RUNDC3B: variants seen among roughly 807,000 people sequenced by gnomAD.
RUNDC3B encodes RUN domain containing 3B.
RUNDC3B carries 33 observed loss-of-function variants against 58.4 expected under a neutral mutation model. The observed-to-expected ratio is 0.56, with a 90% confidence interval of 0.43 to 0.75. RUNDC3B has a LOEUF of 0.75. Ranked by LOEUF, RUNDC3B falls within the 30% of genes least tolerant of loss-of-function variation. RUNDC3B has a pLI of 0.00. For synonymous variants in RUNDC3B, 193 were observed against 195.2 expected, an observed-to-expected ratio of 0.99 and a Z score of 0.10; for missense variants, 501 against 535.7, an observed-to-expected ratio of 0.94 and a Z score of 0.64.
chr7:87,661,184 G>T (rs1824671851), intron 2 of RUNDC3B, among the ~76,000 whole-genome samples: 1 of 151,570 alleles, frequency 6.6e-6, no homozygotes, highest in African/African-American at 2.4e-5. Flanking sequence ...TTTTTTTACA[G>T]GCACACAATG....
intron 2 of RUNDC3B, among the ~76,000 whole-genome samples, chr7:87,698,269 T>A (rs1828679315): frequency 6.6e-6 from 1 of 152,034 alleles, no homozygotes; most frequent in South Asian, 2.1e-4. Context: ...CCGGCTAATT[T>A]CTTTGCACTT....
chr7:87,671,824 T>C (rs1825850287), intron 2 of RUNDC3B, among the ~76,000 whole-genome samples: 1 of 152,122 alleles, frequency 6.6e-6, no homozygotes, highest in African/African-American at 2.4e-5. Flanking sequence ...CTGGAAAAGC[T>C]AAGTCAGGCA....
At chr7:87,774,459 T>C (rs1322065545) in intron 7 of RUNDC3B, among the ~76,000 whole-genome samples, 4 of 152,128 alleles carry the variant, frequency 2.6e-5, no homozygotes, top group African/African-American at 9.6e-5. Flanking sequence ...CAAAAATTAA[T>C]GAAATAAATT....
chr7:87,659,599 CAA>C (rs1280848935), intron 2 of RUNDC3B, among the ~76,000 whole-genome samples: 3 of 152,072 alleles, frequency 2.0e-5, no homozygotes, highest in African/African-American at 7.2e-5. Context: ...TTAGAACACT[CAA>C]GAGGAGAAGG....
chr7:87,700,624 G>A (rs1828949187), intron 3 of RUNDC3B, 70 bp downstream of exon 3: 1 of 1,398,914 alleles, frequency 7.1e-7, no homozygotes, highest in African/African-American at 1.4e-5. Flanking sequence ...GCAGGAAGGT[G>A]TGAAGCTACT....
rs1831979527 is a variant in RUNDC3B at position 87,736,870 on chromosome 7, TA to T, written c.459-2920del. Among the ~76,000 whole-genome samples, 39 of 39,008 alleles carry T rather than the reference TA, an allele frequency of 1.0e-3. No homozygotes were observed. The East Asian group carries it at 0.011, about 11-fold the overall frequency. The allele number at this position is 39,008 out of a possible 152,430, so 25.6% of individuals were successfully genotyped here. ...ATATATATACCTATATATATATATA[TA>T]TATATATATATATATATATTTTTTT... On this transcript the variant is annotated intron_variant, in intron 4 of 10. Coordinates refer to ENST00000394654, the MANE Select transcript of RUNDC3B (RefSeq NM_001134405.2).
At chr7:87,719,103 CAT>C (rs1830719535) in intron 4 of RUNDC3B, among the ~76,000 whole-genome samples, 1 of 151,940 alleles carries the variant, frequency 6.6e-6, no homozygotes, top group East Asian at 1.9e-4. Context: ...ACACAGGTAA[CAT>C]AGTTACACAG....
At chr7:87,664,551 G>T (rs1385400253) in intron 2 of RUNDC3B, among the ~76,000 whole-genome samples, 1 of 152,020 alleles carries the variant, frequency 6.6e-6, no homozygotes, top group Non-Finnish European at 1.5e-5. Flanking sequence ...TGGAAATTCT[G>T]AGTAGAGAAA....
At chr7:87,770,487 C>T (rs1028044870) in intron 6 of RUNDC3B, 94 bp from the exon 7 acceptor site, 19 of 913,902 alleles carry the variant, frequency 2.1e-5, no homozygotes, top group South Asian at 1.1e-4. Flanking sequence ...TAAATATTTT[C>T]GAATTTGTTC....
At chr7:87,738,253 GT>G (rs1832106251) in intron 4 of RUNDC3B, among the ~76,000 whole-genome samples, 1 of 152,012 alleles carries the variant, frequency 6.6e-6, no homozygotes, top group South Asian at 2.1e-4. Flanking sequence ...AGCCAACTTA[GT>G]TATTGGACCA....
chr7:87,791,745 A>G (rs1835531180), intron 8 of RUNDC3B, among the ~76,000 whole-genome samples: 1 of 152,094 alleles, frequency 6.6e-6, no homozygotes, highest in Non-Finnish European at 1.5e-5. Flanking sequence ...GCAAGAAATC[A>G]AACCATAACA....
intron 8 of RUNDC3B, among the ~76,000 whole-genome samples, chr7:87,785,027 C>G (rs1835131558): frequency 6.6e-6 from 1 of 151,970 alleles, no homozygotes; most frequent in African/African-American, 2.4e-5. Context: ...TGGTGATTAA[C>G]TGGGTCAAGG....
intron 10 of RUNDC3B, among the ~76,000 whole-genome samples, chr7:87,822,675 T>A (rs1584291886): frequency 6.6e-6 from 1 of 152,286 alleles, no homozygotes; most frequent in South Asian, 2.1e-4. Context: ...TAAGAAAATG[T>A]GGCACATATA....
chr7:87,659,017 G>A (rs910192540), intron 2 of RUNDC3B, among the ~76,000 whole-genome samples: 1 of 152,116 alleles, frequency 6.6e-6, no homozygotes, highest in Admixed American at 6.6e-5. Flanking sequence ...ATCAGACATG[G>A]TGATATGCGT....
chr7:87,690,564 A>G (rs1436366009), intron 2 of RUNDC3B, among the ~76,000 whole-genome samples: 1 of 152,196 alleles, frequency 6.6e-6, no homozygotes, highest in Non-Finnish European at 1.5e-5. Flanking sequence ...TTAACTTCAG[A>G]ACCTGTTAAA....
At chr7:87,723,975 AC>A (rs991139147) in intron 4 of RUNDC3B, among the ~76,000 whole-genome samples, 14 of 152,282 alleles carry the variant, frequency 9.2e-5, no homozygotes, top group African/African-American at 2.4e-4. Context: ...TAATTCCAGC[AC>A]TTTGGGAGGC....
chr7:87,673,683 T>C (rs1826050610), intron 2 of RUNDC3B, among the ~76,000 whole-genome samples: 1 of 152,244 alleles, frequency 6.6e-6, no homozygotes, highest in South Asian at 2.1e-4. Flanking sequence ...TCTTCATTCG[T>C]ATCCATGTTC....
chr7:87,714,767 AC>A (rs28746483), intron 4 of RUNDC3B, among the ~76,000 whole-genome samples: 4 of 150,998 alleles, frequency 2.6e-5, no homozygotes, highest in Admixed American at 2.0e-4. Flanking sequence ...ATGGACAGGC[AC>A]CCCCCCGCCC....
chr7:87,809,471 C>G (rs1836597710), intron 9 of RUNDC3B, among the ~76,000 whole-genome samples: 3 of 152,142 alleles, frequency 2.0e-5, no homozygotes. Context: ...TCTCCTTGCT[C>G]TTTTCTTTCT....
Sources: gnomAD v4.1 joint callset for allele counts (sites outside exome capture counted in the v4.1 genomes callset) on GRCh38, gnomAD v4.1.1 for gene constraint, MANE v1.5 for transcripts, NCBI Gene and HGNC (gene_info 2026-07-23, HGNC 2026-07-21) for gene names.